The following CNTNAP3B variants were observed in gnomAD, a reference collection of about 807,000 sequenced individuals.
CNTNAP3B encodes the protein contactin-associated protein-like 3B.
A neutral mutation model predicts 108.9 loss-of-function variants in CNTNAP3B; 25 were observed. The ratio of observed to expected loss-of-function variants is 0.23; its 90% CI spans 0.17 to 0.32. The LOEUF is 0.32. CNTNAP3B is among the 10% of genes least tolerant of loss of function. The pLI is 1.00. For synonymous variants in CNTNAP3B, 103 were observed against 473.4 expected (o/e 0.22, Z 10.16); for missense variants, 252 against 1,210.4 (o/e 0.21, Z 11.75).
intron 12 of CNTNAP3B, among the ~76,000 whole-genome samples, chr9:41,957,420 A>G (rs1384089609): frequency 2.8e-5 from 2 of 72,316 alleles, no homozygotes; most frequent in African/African-American, 6.1e-5. Flanking sequence ...TTCTTTTTGC[A>G]GGGGGTGGGG....
chr9:42,107,441 G>A (rs1375721795), intron 1 of CNTNAP3B, among the ~76,000 whole-genome samples: 2 of 109,418 alleles, frequency 1.8e-5, no homozygotes, highest in African/African-American at 8.0e-5. Context: ...ATAGATAATA[G>A]TTATTCTTTC....
At position 42,035,913 on chromosome 9, in the gene CNTNAP3B, G is replaced by T. The variant is rs1826615959; in HGVS notation, c.391-22388C>A. Among the ~76,000 whole-genome samples, 3 of 141,184 alleles carry T rather than the reference G, an allele frequency of 2.1e-5. 1 individual carries two copies. Among genetic ancestry groups the T allele is most frequent in the African/African-American group, 8.3e-5 (3 of 35,974 alleles). The allele number at this position is 141,184 out of a possible 152,430, so 92.6% of individuals were successfully genotyped here. A position where few individuals can be genotyped will look rare whatever the true frequency, so the allele number is the denominator to read the frequency against. On this transcript the variant is annotated intron_variant, in intron 3 of 23. Coordinates refer to ENST00000377561, the MANE Select transcript of CNTNAP3B (RefSeq NM_001201380.3). ...CTCCTGACCTCGGAGTTCGAGCCCAGCCTGGCCAATATGGTGAAACCACAT... is the reference window on the plus strand; with the variant it reads ...CTCCTGACCTCGGAGTTCGAGCCCATCCTGGCCAATATGGTGAAACCACAT...
intron 12 of CNTNAP3B, among the ~76,000 whole-genome samples, chr9:41,958,228 C>T (rs546208903): frequency 7.0e-4 from 106 of 152,356 alleles, no homozygotes; most frequent in South Asian, 1.9e-3. Flanking sequence ...CCACCTCAGC[C>T]TCCCAAGTAG....
intron 13 of CNTNAP3B, among the ~76,000 whole-genome samples, chr9:41,951,973 A>G (rs1269873036): frequency 5.3e-5 from 8 of 152,196 alleles, no homozygotes; most frequent in Non-Finnish European, 8.8e-5. Flanking sequence ...GCTATTCAGG[A>G]GGCTGAGGCA....
At chr9:42,061,295 T>C (rs1308886229) in intron 3 of CNTNAP3B, among the ~76,000 whole-genome samples, 2 of 118,944 alleles carry the variant, frequency 1.7e-5, no homozygotes, top group Admixed American at 8.7e-5. Flanking sequence ...TTCATTTCCA[T>C]GTATTTCTGA....
At chr9:42,036,457 A>G (rs1472765822) in intron 3 of CNTNAP3B, among the ~76,000 whole-genome samples, 1 of 139,110 alleles carries the variant, frequency 7.2e-6, no homozygotes, top group Non-Finnish European at 1.5e-5. Flanking sequence ...TCTCACTAAT[A>G]CTTTTTAAGA....
chr9:41,952,209 G>T (rs1269676868), intron 13 of CNTNAP3B, among the ~76,000 whole-genome samples: 17 of 152,192 alleles, frequency 1.1e-4, no homozygotes, highest in Non-Finnish European at 2.4e-4. Flanking sequence ...CCAACTTAAA[G>T]ATTTTGTATT....
At chr9:41,932,465 G>C (rs1824005990) in intron 14 of CNTNAP3B, among the ~76,000 whole-genome samples, 1 of 151,286 alleles carries the variant, frequency 6.6e-6, no homozygotes, top group Non-Finnish European at 1.5e-5. Context: ...TTGGGAGGTT[G>C]CAAAGAAAGC....
rs1826935876 is a variant in CNTNAP3B, at chr9:42,049,497, A to AGAG, written c.390+27371_390+27372insCTC. ...TAGGTCAGTCTTCTCAGTTGCCTTC[A>AGAG]CAGGTTCTGCAAACAGCTGACTATT... On this transcript the variant is annotated intron_variant, in intron 3 of 23. Coordinates refer to ENST00000377561, the MANE Select transcript of CNTNAP3B (RefSeq NM_001201380.3). Among the ~76,000 whole-genome samples the AGAG allele has an allele frequency of 3.3e-4, 44 of 133,896 alleles. 5 individuals are homozygous for AGAG. Among genetic ancestry groups the AGAG allele is most frequent in the Non-Finnish European group, 6.8e-4 (43 of 63,410 alleles). 87.8% of individuals were successfully genotyped at this position (133,896 alleles called of 152,430 possible). A position where few individuals can be genotyped will look rare whatever the true frequency, so the allele number is the denominator to read the frequency against.
At chr9:41,934,230 T>C (rs1824083048) in intron 14 of CNTNAP3B, among the ~76,000 whole-genome samples, 1 of 147,464 alleles carries the variant, frequency 6.8e-6, no homozygotes, top group African/African-American at 2.5e-5. Flanking sequence ...TTTTTTTTTT[T>C]TTTTTTGAGA....
At chr9:41,957,762 TGTTTTTTG>T (rs1361369973) in intron 12 of CNTNAP3B, among the ~76,000 whole-genome samples, 1 of 152,294 alleles carries the variant, frequency 6.6e-6, no homozygotes, top group African/African-American at 2.4e-5. Context: ...TTGTTTTGTT[TGTTTTTTG>T]GTTTTTTTGA....
At chr9:41,979,858 G>A (rs1470723513) in intron 9 of CNTNAP3B, 1 of 124,810 alleles carries the variant, frequency 8.0e-6, no homozygotes, top group Non-Finnish European at 1.6e-5. Flanking sequence ...CAGATTGCTG[G>A]GATTACAGGC....
In CNTNAP3B at chr9:41,954,811, G is replaced by C. The variant is rs143872076; in HGVS notation, c.1877-1425C>G. 3.6e-3 allele frequency among the ~76,000 whole-genome samples: 541 copies of C among 152,256 alleles called. No homozygotes were observed. In the East Asian group the frequency reaches 0.055, roughly 16 times the overall value. On this transcript the variant is annotated intron_variant, in intron 12 of 23. Transcript: ENST00000377561. ...CAGTTCTCCTGTCTCAGCCTCACAAGTAGCTGGGACTACAGGCACACACCA... is the reference window on the plus strand; with the variant it reads ...CAGTTCTCCTGTCTCAGCCTCACAACTAGCTGGGACTACAGGCACACACCA...
chr9:42,079,661 A>G (rs1246840296), intron 2 of CNTNAP3B, among the ~76,000 whole-genome samples: 2 of 136,378 alleles, frequency 1.5e-5, no homozygotes, highest in African/African-American at 5.9e-5. Flanking sequence ...AGCCGGGATT[A>G]CAGGTACATG....
At chr9:41,944,858 G>T (rs1292811849) in intron 13 of CNTNAP3B, among the ~76,000 whole-genome samples, 9 of 152,288 alleles carry the variant, frequency 5.9e-5, no homozygotes, top group Non-Finnish European at 8.8e-5. Flanking sequence ...GAAAATTTTT[G>T]CAATCTACCC....
chr9:41,933,618 C>G (rs1370590327), intron 14 of CNTNAP3B, among the ~76,000 whole-genome samples: 2 of 152,260 alleles, frequency 1.3e-5, no homozygotes, highest in Non-Finnish European at 1.5e-5. Flanking sequence ...ACTGACTGAC[C>G]ATAAATTCAG....
At chr9:42,063,193 A>G (rs1827203859) in intron 3 of CNTNAP3B, among the ~76,000 whole-genome samples, 1 of 130,028 alleles carries the variant, frequency 7.7e-6, no homozygotes. Context: ...AGCCCGAAGA[A>G]CTTCCTTTAG....
In CNTNAP3B at chr9:42,089,783, T is replaced by C. The variant is rs549661191; in HGVS notation, c.197-12721A>G. Among the ~76,000 whole-genome samples, 51 of 143,750 alleles carry C rather than the reference T, an allele frequency of 3.5e-4. 2 individuals are homozygous for C. In the East Asian group the frequency reaches 0.01, roughly 29 times the overall value. The allele number at this position is 143,750 out of a possible 152,430, so 94.3% of individuals were successfully genotyped here. On this transcript the variant is annotated intron_variant, in intron 2 of 23. Coordinates refer to ENST00000377561, the MANE Select transcript of CNTNAP3B (RefSeq NM_001201380.3). ...ATCCAATATGTTTCCATTTGCTCTG[T>C]GTTTGCAGTTTATCACACAGGTTTC... is the stretch of plus-strand genomic sequence containing the variant.
intron 1 of CNTNAP3B, among the ~76,000 whole-genome samples, chr9:42,113,013 C>T (rs1828228346): frequency 7.5e-6 from 1 of 133,334 alleles, no homozygotes; most frequent in Admixed American, 7.5e-5. Flanking sequence ...CCTCAACCTC[C>T]CAAAGTGCTG....
Sources: gnomAD v4.1 joint callset for allele counts (sites outside exome capture counted in the v4.1 genomes callset) on GRCh38, gnomAD v4.1.1 for gene constraint, MANE v1.5 for transcripts, NCBI Gene and HGNC (gene_info 2026-07-23, HGNC 2026-07-21) for gene names.